The following ITFG1 variants were observed in gnomAD, a reference collection of about 807,000 sequenced individuals.
ITFG1 encodes the protein T-cell immunomodulatory protein.
In ITFG1, 34 loss-of-function variants were observed where a neutral mutation model predicts 81.8. That is an observed-to-expected ratio of 0.42 (90% CI 0.32 to 0.55). ITFG1 has a LOEUF of 0.55. ITFG1 is among the 20% of genes least tolerant of loss of function. The probability of loss-of-function intolerance (pLI) is 0.17; values close to 1 mark genes in which losing one functional copy is unlikely to be tolerated. For synonymous variants in ITFG1, 285 were observed against 270.6 expected (o/e 1.05, Z -0.52); for missense variants, 672 against 755.4 (o/e 0.89, Z 1.29).
intron 6 of ITFG1, among the ~76,000 whole-genome samples, chr16:47,396,625 A>G (rs1227610075): frequency 6.6e-6 from 1 of 151,868 alleles, no homozygotes; most frequent in Non-Finnish European, 1.5e-5. Context: ...GAGAGAAGCC[A>G]AGCATATTTG....
intron 10 of ITFG1, among the ~76,000 whole-genome samples, chr16:47,288,590 T>A (rs1336290316): frequency 6.6e-6 from 1 of 152,198 alleles, no homozygotes; most frequent in African/African-American, 2.4e-5. Context: ...ATTCTCTGCA[T>A]CCTCAACAGC....
chr16:47,363,798 T>A (rs1968140569), intron 8 of ITFG1, among the ~76,000 whole-genome samples: 1 of 152,228 alleles, frequency 6.6e-6, no homozygotes, highest in Non-Finnish European at 1.5e-5. Flanking sequence ...AAAACCATTA[T>A]TACCCTTTGG....
intron 14 of ITFG1, among the ~76,000 whole-genome samples, chr16:47,184,926 G>A (rs1248128620): frequency 1.3e-5 from 2 of 151,768 alleles, no homozygotes; most frequent in Non-Finnish European, 2.9e-5. Context: ...ATAAAAGGAT[G>A]GAGGAAGATC....
chr16:47,347,406 A>T (rs141986465), intron 8 of ITFG1, among the ~76,000 whole-genome samples: 2 of 152,366 alleles, frequency 1.3e-5, no homozygotes, highest in Admixed American at 1.3e-4. Flanking sequence ...TATCCTGTGC[A>T]TGGCTGGGAG....
In ITFG1 at chr16:47,154,830, A is replaced by G. The variant is rs1159274035; in HGVS notation, c.*889T>C. ...TTTTAGGGCACATTAATTCTTGGAG[A>G]GTACTATAATTTTTAGTTAATATGA... On this transcript the variant is annotated 3_prime_UTR_variant, in exon 18 of 18. Transcript: ENST00000320640. 6.6e-6 allele frequency: 1 copy of G among 152,230 alleles called. No homozygotes were observed. Among genetic ancestry groups the G allele is most frequent in the Non-Finnish European group, 1.5e-5 (1 of 68,038 alleles). The allele number at this position is 152,230 out of a possible 1,614,324, so 9.4% of individuals were successfully genotyped here.
At chr16:47,436,126 A>T (rs1969163068) in intron 5 of ITFG1, among the ~76,000 whole-genome samples, 1 of 152,082 alleles carries the variant, frequency 6.6e-6, no homozygotes, top group African/African-American at 2.4e-5. Flanking sequence ...CTTTATCATG[A>T]TGTAAAATGA....
At chr16:47,338,891 T>C (rs1415808184) in intron 8 of ITFG1, among the ~76,000 whole-genome samples, 6 of 152,194 alleles carry the variant, frequency 3.9e-5, no homozygotes, top group Non-Finnish European at 7.3e-5. Flanking sequence ...CATTAACAAA[T>C]ACTAGGTCTT....
intron 8 of ITFG1, among the ~76,000 whole-genome samples, chr16:47,327,794 A>G (rs1967573710): frequency 1.3e-5 from 2 of 152,348 alleles, no homozygotes; most frequent in South Asian, 4.1e-4. Flanking sequence ...CACACCAGTT[A>G]GAATGGCAAT....
intron 8 of ITFG1, among the ~76,000 whole-genome samples, chr16:47,358,871 T>C (rs995112141): frequency 6.6e-6 from 1 of 152,084 alleles, no homozygotes; most frequent in Admixed American, 6.6e-5. Flanking sequence ...GGAGTTCTGG[T>C]GAGGGCACAT....
chr16:47,220,117 T>C (rs1965674040), intron 13 of ITFG1, among the ~76,000 whole-genome samples: 1 of 152,212 alleles, frequency 6.6e-6, no homozygotes, highest in African/African-American at 2.4e-5. Flanking sequence ...GTGTCTGATA[T>C]GAGTTGTAAA....
intron 5 of ITFG1, among the ~76,000 whole-genome samples, chr16:47,450,939 C>T (rs527583050): frequency 6.6e-6 from 1 of 152,304 alleles, no homozygotes; most frequent in South Asian, 2.1e-4. Flanking sequence ...AATGTATTCA[C>T]TGACAAGTTT....
chr16:47,347,894 G>C (rs566351321), intron 8 of ITFG1, among the ~76,000 whole-genome samples: 1 of 152,142 alleles, frequency 6.6e-6, no homozygotes, highest in African/African-American at 2.4e-5. Flanking sequence ...AGCAATATTC[G>C]CTGTTCAGCA....
chr16:47,183,893 A>C (rs1396924134), intron 14 of ITFG1, among the ~76,000 whole-genome samples: 1 of 152,152 alleles, frequency 6.6e-6, no homozygotes, highest in Non-Finnish European at 1.5e-5. Context: ...CTTTGAAAAA[A>C]ATTTAGAAGA....
intron 6 of ITFG1, among the ~76,000 whole-genome samples, chr16:47,388,226 T>C (rs1203607206): frequency 6.6e-6 from 1 of 151,970 alleles, no homozygotes; most frequent in African/African-American, 2.4e-5. Flanking sequence ...CACCAAGATA[T>C]ACGTAATGGA....
intron 14 of ITFG1, among the ~76,000 whole-genome samples, chr16:47,181,442 G>C (rs1486277187): frequency 3.9e-4 from 56 of 142,080 alleles, no homozygotes; most frequent in African/African-American, 1.4e-3. Context: ...CCCCGTCCGG[G>C]AGGGAGGTGG....
At chr16:47,431,286 G>A (rs1303680950) in intron 5 of ITFG1, among the ~76,000 whole-genome samples, 1 of 152,202 alleles carries the variant, frequency 6.6e-6, no homozygotes, top group Non-Finnish European at 1.5e-5. Flanking sequence ...GTGGGCGGCA[G>A]GCAAGTGAGC....
intron 10 of ITFG1, among the ~76,000 whole-genome samples, chr16:47,305,562 G>A (rs1161125308): frequency 2.0e-5 from 3 of 152,162 alleles, no homozygotes; most frequent in South Asian, 4.2e-4. Flanking sequence ...AAATTTACAG[G>A]AGTCACAATT....
At chr16:47,263,165 A>G (rs757790313) in intron 10 of ITFG1, 5 of 301,814 alleles carry the variant, frequency 1.7e-5, no homozygotes, top group Non-Finnish European at 2.7e-5. Flanking sequence ...GGGGCTGTCC[A>G]TAGGCAACAT....
intron 14 of ITFG1, among the ~76,000 whole-genome samples, chr16:47,169,089 T>C (rs1432979894): frequency 6.6e-6 from 1 of 152,246 alleles, no homozygotes; most frequent in Admixed American, 6.5e-5. Flanking sequence ...TTTATATGTC[T>C]GTCTTTTTGC....
Sources: gnomAD v4.1 joint callset for allele counts (sites outside exome capture counted in the v4.1 genomes callset) on GRCh38, gnomAD v4.1.1 for gene constraint, MANE v1.5 for transcripts, NCBI Gene and HGNC (gene_info 2026-07-23, HGNC 2026-07-21) for gene names.